Variants in HP1BP3 observed in about 807,000 individuals in gnomAD.
HP1BP3 encodes the protein heterochromatin protein 1-binding protein 3.
Under a neutral mutation model 62.5 loss-of-function variants are expected in HP1BP3, and 12 were observed. That is an observed-to-expected ratio of 0.19 (90% CI 0.12 to 0.31). The LOEUF (loss-of-function observed/expected upper bound fraction) is 0.31, where lower values mean the gene tolerates loss of function less well. Ranked by LOEUF, HP1BP3 falls within the 10% of genes least tolerant of loss-of-function variation. HP1BP3 has a pLI of 1.00. For synonymous variants in HP1BP3, 260 were observed against 237.8 expected, an observed-to-expected ratio of 1.09 and a Z score of -0.86; for missense variants, 502 against 651.8, an observed-to-expected ratio of 0.77 and a Z score of 2.50.
chr1:20,781,856 T>C (rs913134875), intron 1 of HP1BP3, among the ~76,000 whole-genome samples: 19 of 152,094 alleles, frequency 1.2e-4, no homozygotes, highest in African/African-American at 4.6e-4. Flanking sequence ...GAGCTCCTGA[T>C]CTCAGATGAT....
chr1:20,770,727 C>A (rs1329001815), intron 6 of HP1BP3, among the ~76,000 whole-genome samples: 1 of 152,092 alleles, frequency 6.6e-6, no homozygotes, highest in Non-Finnish European at 1.5e-5. Context: ...GCAAAGTAAG[C>A]TAGAAAAAAG....
Position 20,779,886 on chromosome 1 carries a change from A to G in HP1BP3, c.122T>C (p.Ile41Thr). 1.2e-6 allele frequency: 2 copies of G among 1,613,536 alleles called. No individual in the cohort carries two copies. Among genetic ancestry groups the G allele is most frequent in the Non-Finnish European group, 1.7e-6 (2 of 1,179,764 alleles). The change falls in exon 3 of 13, where the codon ATT (isoleucine) becomes ACT (threonine). Residue 41 changes from isoleucine to threonine, a missense_variant. Coordinates refer to ENST00000438032, the MANE Select transcript of HP1BP3 (RefSeq NM_001372052.1). Reference protein sequence around the residue: ...GEKVEDSTMPIRRTVNSTRET... With the variant: ...GEKVEDSTMPTRRTVNSTRET... ...CCGGGTAGAATTCACAGTTCGACGA[A>G]TCGGCATGGTGCTATCTTCTACCTT...
Position 20,779,778 on chromosome 1 carries a change from T to C in HP1BP3, c.196+34A>G, listed in dbSNP as rs77914493. On this transcript the variant is annotated intron_variant, in intron 3 of 12. Transcript: ENST00000438032. ...ACACTCCAAATTGCAGTATAACTTTTGATGTTTTAAGCTGTGTCACCATTT... is the reference window on the plus strand; with the variant it reads ...ACACTCCAAATTGCAGTATAACTTTCGATGTTTTAAGCTGTGTCACCATTT... 2,727 of 1,424,810 alleles carry C rather than the reference T, an allele frequency of 1.9e-3. 41 individuals carry two copies. In the African/African-American group the frequency reaches 0.033, roughly 17 times the overall value. The allele number at this position is 1,424,810 out of a possible 1,614,324, so 88.3% of individuals were successfully genotyped here.
intron 3 of HP1BP3, 91 bp downstream of exon 3, chr1:20,779,721 A>AC: frequency 2.4e-6 from 2 of 826,388 alleles, no homozygotes; most frequent in Non-Finnish European, 3.7e-6. Context: ...GAAAAAAAAA[A>AC]AAAAACAATT....
At chr1:20,785,452 A>T (rs768368309) in intron 1 of HP1BP3, among the ~76,000 whole-genome samples, 5 of 152,346 alleles carry the variant, frequency 3.3e-5, no homozygotes, top group African/African-American at 4.8e-5. Flanking sequence ...AACACCTCAC[A>T]TTGTTCCCAA....
At chr1:20,767,347 C>T (rs1303759972) in intron 7 of HP1BP3, among the ~76,000 whole-genome samples, 1 of 152,114 alleles carries the variant, frequency 6.6e-6, no homozygotes, top group Admixed American at 6.5e-5. Flanking sequence ...TATATAGCTG[C>T]CCATAATTTA....
rs2055216168 is a variant in HP1BP3 at position 20,744,953 on chromosome 1, G to A, written c.1506C>T (p.Ala502=). 2 of 1,613,966 alleles carry A rather than the reference G, an allele frequency of 1.2e-6. No individual in the cohort carries two copies. Among genetic ancestry groups the A allele is most frequent in the Non-Finnish European group, 8.5e-7 (1 of 1,180,036 alleles). ...GTCTGGTCTTCTTGGCAGGCGTTTTGGCCTTAGGAGGTGCTTTCTTAGGCA... is the reference window on the plus strand; with the variant it reads ...GTCTGGTCTTCTTGGCAGGCGTTTTAGCCTTAGGAGGTGCTTTCTTAGGCA... ...RPLPKKAPPK[A]KTPAKKTRPS... The change falls in exon 13 of 13, where the codon GCC becomes GCT. Residue 502 remains alanine, a synonymous_variant. Coordinates refer to ENST00000438032, the MANE Select transcript of HP1BP3 (RefSeq NM_001372052.1).
At chr1:20,772,566 T>C (rs1158605731) in intron 5 of HP1BP3, among the ~76,000 whole-genome samples, 1 of 152,040 alleles carries the variant, frequency 6.6e-6, no homozygotes, top group Non-Finnish European at 1.5e-5. Flanking sequence ...CAAACCCTTT[T>C]TCCAGTTTAT....
chr1:20,784,762 C>T (rs1244633757), intron 1 of HP1BP3, among the ~76,000 whole-genome samples: 1 of 152,190 alleles, frequency 6.6e-6, no homozygotes, highest in Non-Finnish European at 1.5e-5. Flanking sequence ...AGGCGTGAGC[C>T]ACCGTGCCCG....
intron 11 of HP1BP3, among the ~76,000 whole-genome samples, chr1:20,746,059 A>G (rs2055300259): frequency 6.6e-6 from 1 of 152,292 alleles, no homozygotes; most frequent in South Asian, 2.1e-4. Context: ...AAGACCTCAA[A>G]GGCCTAAATC....
chr1:20,771,203 G>A, intron 5 of HP1BP3, 130 bp from the exon 6 acceptor site: 1 of 680,166 alleles, frequency 1.5e-6, no homozygotes, highest in Non-Finnish European at 2.5e-6. Context: ...ATGAACTTCA[G>A]AAGACTTCAG....
At chr1:20,781,552 T>C (rs1433101466) in intron 1 of HP1BP3, among the ~76,000 whole-genome samples, 1 of 152,254 alleles carries the variant, frequency 6.6e-6, no homozygotes, top group Non-Finnish European at 1.5e-5. Context: ...AAGGAAATCT[T>C]TCAGTCAGCT....
chr1:20,765,959 C>G (rs1315899054), intron 7 of HP1BP3, among the ~76,000 whole-genome samples: 20 of 137,724 alleles, frequency 1.5e-4, no homozygotes, highest in Admixed American at 1.1e-3. Context: ...AACGAGACTC[C>G]GTCTCAAAAA....
intron 6 of HP1BP3, among the ~76,000 whole-genome samples, chr1:20,769,683 T>G (rs1056025194): frequency 6.6e-6 from 1 of 152,224 alleles, no homozygotes; most frequent in Non-Finnish European, 1.5e-5. Context: ...CGTACAGGTA[T>G]GAGCCACTGT....
chr1:20,771,575 G>C (rs2057061431), intron 5 of HP1BP3, among the ~76,000 whole-genome samples: 1 of 152,206 alleles, frequency 6.6e-6, no homozygotes, highest in Non-Finnish European at 1.5e-5. Flanking sequence ...GCAAAGTGCT[G>C]AAGGAGAGTT....
At chr1:20,777,896 T>A (rs565556265) in intron 3 of HP1BP3, among the ~76,000 whole-genome samples, 2 of 152,382 alleles carry the variant, frequency 1.3e-5, no homozygotes, top group South Asian at 4.1e-4. Flanking sequence ...ATGCTTAGGA[T>A]GACAAAGTAT....
rs375747489 is a variant in HP1BP3 at position 20,765,974 on chromosome 1, A to C, written c.736-443T>G. ...AACGAGACTCCGTCTCAAAAAAAAA[A>C]AAAAACAAAAAAAACACAACAAAAC... On this transcript the variant is annotated intron_variant, in intron 7 of 12. Coordinates refer to ENST00000438032, the MANE Select transcript of HP1BP3 (RefSeq NM_001372052.1). 1.1e-3 allele frequency among the ~76,000 whole-genome samples: 160 copies of C among 151,198 alleles called. 2 individuals are homozygous for C. In the East Asian group the frequency reaches 0.022, roughly 21 times the overall value.
chr1:20,750,174 C>A (rs2055620324), intron 9 of HP1BP3: 1 of 257,884 alleles, frequency 3.9e-6, no homozygotes, highest in Admixed American at 5.1e-5. Context: ...AGCAGGTTAA[C>A]CAGTTATGTC....
intron 8 of HP1BP3, among the ~76,000 whole-genome samples, chr1:20,760,883 T>A (rs1043859673): frequency 2.0e-5 from 3 of 152,104 alleles, no homozygotes; most frequent in African/African-American, 7.2e-5. Flanking sequence ...CTTACATTTT[T>A]AAAAAAGTCT....
Sources: gnomAD v4.1 joint callset for allele counts (sites outside exome capture counted in the v4.1 genomes callset) on GRCh38, gnomAD v4.1.1 for gene constraint, MANE v1.5 for transcripts, NCBI Gene and HGNC (gene_info 2026-07-23, HGNC 2026-07-21) for gene names.